The following KCNH1 variants were observed in gnomAD, a reference collection of about 807,000 sequenced individuals.
KCNH1 encodes potassium voltage-gated channel subfamily H member 1, also known as voltage-gated delayed rectifier potassium channel KCNH1.
KCNH1 carries 27 observed loss-of-function variants against 69.2 expected under a neutral mutation model. The observed-to-expected ratio is 0.39, with a 90% CI of 0.29 to 0.54. The LOEUF is 0.54. Ranked by LOEUF, KCNH1 falls within the 20% of genes least tolerant of loss-of-function variation. The pLI is 0.68. For synonymous variants in KCNH1, 456 were observed against 487.7 expected (o/e 0.93, Z 0.86); for missense variants, 798 against 1,261.6 (o/e 0.63, Z 5.57).
chr1:210,884,183 C>A (rs1344713631), intron 7 of KCNH1, among the ~76,000 whole-genome samples: 4 of 152,228 alleles, frequency 2.6e-5, no homozygotes, highest in African/African-American at 9.6e-5. Flanking sequence ...ACAGAGTTGT[C>A]AACATTCCTC....
rs953475304 is a variant in KCNH1 at position 210,680,400 on chromosome 1, T to A, written c.*2881A>T. On this transcript the variant is annotated 3_prime_UTR_variant, in exon 11 of 11. Coordinates refer to ENST00000271751, the MANE Select transcript of KCNH1 (RefSeq NM_172362.3). ...ACTCCTCAAAGAGGAAAAACATACA[T>A]CCTGGGCAAATCTGTTCTCTCTTGG... 9 of 152,234 alleles carry A rather than the reference T, an allele frequency of 5.9e-5. No homozygotes were observed. The South Asian group carries it at 8.3e-4, about 14-fold the overall frequency. 9.4% of individuals were successfully genotyped at this position (152,234 alleles called of 1,614,324 possible).
At chr1:210,861,546 G>A (rs1306923181) in intron 7 of KCNH1, 1 of 772,522 alleles carries the variant, frequency 1.3e-6, no homozygotes, top group Admixed American at 1.7e-5. Context: ...TCAATTCGAA[G>A]TGTTTCAGTC....
At chr1:210,921,492 T>C (rs2358210) in intron 6 of KCNH1, among the ~76,000 whole-genome samples, 23,548 of 152,236 alleles carry the variant, frequency 0.15, 2,111 homozygotes, top group East Asian at 0.38. Flanking sequence ...GGTCAAGTTA[T>C]GTCACAGACA....
At chr1:211,020,324 C>A (rs893231367) in intron 5 of KCNH1, among the ~76,000 whole-genome samples, 24 of 151,674 alleles carry the variant, frequency 1.6e-4, no homozygotes, top group African/African-American at 5.8e-4. Context: ...CACACAAATA[C>A]AAAGGATCAT....
chr1:210,696,561 T>C (rs746077915), intron 10 of KCNH1, among the ~76,000 whole-genome samples: 2 of 152,204 alleles, frequency 1.3e-5, no homozygotes, highest in Admixed American at 6.5e-5. Flanking sequence ...TAGTGGGAGC[T>C]GATACCTTTC....
intron 6 of KCNH1, among the ~76,000 whole-genome samples, chr1:210,921,026 G>C (rs1687449632): frequency 6.6e-6 from 1 of 152,146 alleles, no homozygotes; most frequent in Non-Finnish European, 1.5e-5. Flanking sequence ...GGAAAATGGG[G>C]TCTGAGACAA....
At chr1:210,965,841 C>G (rs577052916) in intron 6 of KCNH1, among the ~76,000 whole-genome samples, 27 of 152,200 alleles carry the variant, frequency 1.8e-4, no homozygotes, top group Admixed American at 1.0e-3. Flanking sequence ...CTATCCCCAT[C>G]AAGCTACCAT....
At chr1:211,045,532 T>C (rs1470125617) in intron 5 of KCNH1, among the ~76,000 whole-genome samples, 1 of 152,062 alleles carries the variant, frequency 6.6e-6, no homozygotes, top group Non-Finnish European at 1.5e-5. Context: ...TTTACTGAGG[T>C]ATGATTGTAA....
intron 10 of KCNH1, among the ~76,000 whole-genome samples, chr1:210,688,971 C>G (rs1681470041): frequency 6.6e-6 from 1 of 152,218 alleles, no homozygotes; most frequent in South Asian, 2.1e-4. Context: ...TGCCAGCCCA[C>G]AGGGGCATAT....
intron 7 of KCNH1, among the ~76,000 whole-genome samples, chr1:210,846,264 A>G (rs985767061): frequency 2.0e-5 from 3 of 152,206 alleles, no homozygotes; most frequent in Non-Finnish European, 2.9e-5. Flanking sequence ...AAGAGCCCGC[A>G]TCGCCAAGTC....
rs1489409460 is a variant in KCNH1, at chr1:211,107,704, G to T, written c.80-327C>A. On this transcript the variant is annotated intron_variant, in intron 1 of 10. Transcript: ENST00000271751. ...TTAAGTCCTAATTTTTCATCCCAGT[G>T]AAGGTATACCAATATTACAGAGCAA... Among the ~76,000 whole-genome samples the T allele has an allele frequency of 2.0e-5, 3 of 152,186 alleles. 1 individual carries two copies. The highest frequency in any genetic ancestry group is 4.8e-5 in the African/African-American group (2 of 41,442).
intron 7 of KCNH1, among the ~76,000 whole-genome samples, chr1:210,883,380 CTGGGGG>C: frequency 6.6e-6 from 1 of 152,216 alleles, no homozygotes; most frequent in Non-Finnish European, 1.5e-5. Context: ...CAGAATGGAT[CTGGGGG>C]TGGGGGAGTT....
chr1:211,008,675 T>C (rs1428283958), intron 6 of KCNH1, among the ~76,000 whole-genome samples: 2 of 152,198 alleles, frequency 1.3e-5, no homozygotes, highest in African/African-American at 2.4e-5. Context: ...TAGTCTAGGA[T>C]AAAATGGAGG....
At chr1:211,113,969 C>CTA (rs200386260) in intron 1 of KCNH1, among the ~76,000 whole-genome samples, 23,166 of 131,858 alleles carry the variant, frequency 0.18, 2,079 homozygotes, top group African/African-American at 0.27. Context: ...CTCTCTCTCT[C>CTA]TCTCTCACAC....
rs1571602668 is a variant in KCNH1, at chr1:211,043,666, A to G, written c.559-24410T>C. On this transcript the variant is annotated intron_variant, in intron 5 of 10. Coordinates refer to ENST00000271751, the MANE Select transcript of KCNH1 (RefSeq NM_172362.3). ...AGACTACTACAGGCCAATATCCCTG[A>G]TGAACATATATGCAAAACTCCTTAA... 2.6e-5 allele frequency among the ~76,000 whole-genome samples: 4 copies of G among 152,214 alleles called. No homozygotes were observed. In the South Asian group the frequency reaches 8.3e-4, roughly 32 times the overall value.
At chr1:211,101,992 G>A (rs1691266910) in intron 3 of KCNH1, among the ~76,000 whole-genome samples, 1 of 152,160 alleles carries the variant, frequency 6.6e-6, no homozygotes, top group Non-Finnish European at 1.5e-5. Flanking sequence ...AACCTTCAGG[G>A]AGGGAAGAAA....
chr1:210,882,572 G>T (rs1306954549), intron 7 of KCNH1, among the ~76,000 whole-genome samples: 3 of 152,066 alleles, frequency 2.0e-5, no homozygotes, highest in Non-Finnish European at 2.9e-5. Flanking sequence ...ACCCACCTCC[G>T]CCCCCTTTAC....
chr1:210,885,454 C>T (rs1686583268), intron 7 of KCNH1, among the ~76,000 whole-genome samples: 1 of 152,170 alleles, frequency 6.6e-6, no homozygotes, highest in African/African-American at 2.4e-5. Flanking sequence ...CCACCAGGGC[C>T]CTGGGTTTCA....
intron 6 of KCNH1, among the ~76,000 whole-genome samples, chr1:210,966,505 C>A (rs1056445231): frequency 1.3e-5 from 2 of 152,118 alleles, no homozygotes; most frequent in African/African-American, 4.8e-5. Flanking sequence ...GGCTAATATG[C>A]AGAATCTACA....
Sources: gnomAD v4.1 joint callset for allele counts (sites outside exome capture counted in the v4.1 genomes callset) on GRCh38, gnomAD v4.1.1 for gene constraint, MANE v1.5 for transcripts, NCBI Gene and HGNC (gene_info 2026-07-23, HGNC 2026-07-21) for gene names.